The following TOX2 variants were observed in gnomAD, a reference collection of about 807,000 sequenced individuals.
The protein encoded by TOX2 is granulosa cell HMG box 1.
A neutral mutation model predicts 47.4 loss-of-function variants in TOX2; 15 were observed. The ratio of observed to expected loss-of-function variants is 0.32; its 90% confidence interval spans 0.21 to 0.49. The LOEUF is 0.49. Among genes scored for constraint, TOX2 ranks in the 20% least tolerant of loss-of-function variants. TOX2 has a pLI of 0.99. For missense variants in TOX2, 622 were observed against 673.1 expected, an observed-to-expected ratio of 0.92 and a Z score of 0.84; for synonymous variants, 290 against 296.6, an observed-to-expected ratio of 0.98 and a Z score of 0.23.
chr20:44,030,419 A>T (rs941895427), intron 3 of TOX2, among the ~76,000 whole-genome samples: 3 of 152,158 alleles, frequency 2.0e-5, no homozygotes, highest in African/African-American at 4.8e-5. Context: ...TAAAACTCTT[A>T]TGGGTTTCCA....
chr20:43,988,154 G>C (rs138945833), intron 2 of TOX2, among the ~76,000 whole-genome samples: 4 of 151,996 alleles, frequency 2.6e-5, no homozygotes, highest in African/African-American at 9.7e-5. Context: ...TCTTGACCTC[G>C]TGATCTGCCC....
intron 1 of TOX2, among the ~76,000 whole-genome samples, chr20:43,922,464 G>A (rs1044882439): frequency 5.3e-5 from 8 of 152,168 alleles, no homozygotes; most frequent in Admixed American, 2.0e-4. Flanking sequence ...AGCAGGCACC[G>A]TGCTTTCTGG....
chr20:43,920,229 C>T (rs998374816), intron 1 of TOX2, among the ~76,000 whole-genome samples: 15 of 152,214 alleles, frequency 9.9e-5, no homozygotes, highest in African/African-American at 3.4e-4. Context: ...AAGGATTCAA[C>T]TTCCCACCCA....
At chr20:44,017,139 TACTG>T (rs1255981997) in intron 3 of TOX2, among the ~76,000 whole-genome samples, 5 of 152,142 alleles carry the variant, frequency 3.3e-5, no homozygotes, top group African/African-American at 1.2e-4. Context: ...GTTTATTAAT[TACTG>T]AATGAATGGG....
chr20:43,949,346 C>T (rs2069521413), intron 1 of TOX2, among the ~76,000 whole-genome samples: 1 of 152,198 alleles, frequency 6.6e-6, no homozygotes. Context: ...CCCAGGCCTC[C>T]CTGCCTCCAC....
At chr20:44,042,726 GT>G (rs1240859430) in intron 3 of TOX2, among the ~76,000 whole-genome samples, 1 of 152,146 alleles carries the variant, frequency 6.6e-6, no homozygotes, top group Non-Finnish European at 1.5e-5. Flanking sequence ...CATTATTATT[GT>G]TGTCATTATT....
chr20:44,013,370 G>T (rs2145624325), intron 3 of TOX2, among the ~76,000 whole-genome samples: 1 of 152,256 alleles, frequency 6.6e-6, no homozygotes, highest in African/African-American at 2.4e-5. Flanking sequence ...CCCTGCAGAA[G>T]GCATGGTCTA....
intron 2 of TOX2, among the ~76,000 whole-genome samples, chr20:43,983,022 G>A (rs1236772180): frequency 6.6e-6 from 1 of 151,880 alleles, no homozygotes; most frequent in Non-Finnish European, 1.5e-5. Flanking sequence ...TTACACATGA[G>A]GTGCTCCCTG....
In TOX2 at chr20:44,054,518, C is replaced by G; in HGVS notation, c.871C>G (p.Gln291Glu). 6.2e-7 allele frequency: 1 copy of G among 1,613,774 alleles called. No individual in the cohort carries two copies. The highest frequency in any genetic ancestry group is 8.5e-7 in the Non-Finnish European group (1 of 1,179,842). ...CATGTGGGACAGCCTGGGAGAGGAA[C>G]AGAAGCAGGTGAGCCTCCCTCTCTT... ...ASMWDSLGEE[Q>E]KQAYKRKTEA... The change falls in exon 5 of 9, where the codon CAG (glutamine) becomes GAG (glutamate). Residue 291 changes from glutamine (Q) to glutamate (E), a missense_variant. Transcript: ENST00000341197.
intron 1 of TOX2, among the ~76,000 whole-genome samples, chr20:43,954,555 G>T (rs774997018): frequency 2.6e-5 from 4 of 152,212 alleles, no homozygotes; most frequent in Non-Finnish European, 5.9e-5. Context: ...ATGAAGGATG[G>T]GTCCTGTGTG....
In TOX2 at chr20:43,991,228, C is replaced by T. The variant is rs142135209; in HGVS notation, c.166-15319C>T. Among the ~76,000 whole-genome samples, 209 of 152,230 alleles carry T rather than the reference C, an allele frequency of 1.4e-3. 1 individual carries two copies. Among genetic ancestry groups the T allele is most frequent in the African/African-American group, 4.2e-3 (176 of 41,526 alleles). ...ATAAGGACAAGGAACCAGGAGACCC[C>T]GATGGGCCAAGTTAGAATGATTTCA... On this transcript the variant is annotated intron_variant, in intron 2 of 8. Transcript: ENST00000341197.
chr20:43,928,387 T>C (rs1275696032), intron 1 of TOX2, among the ~76,000 whole-genome samples: 1 of 151,852 alleles, frequency 6.6e-6, no homozygotes, highest in African/African-American at 2.4e-5. Context: ...AGAGAAGGAA[T>C]AAAAAGCACT....
intron 2 of TOX2, among the ~76,000 whole-genome samples, chr20:44,004,527 C>T (rs1477520040): frequency 6.6e-6 from 1 of 152,164 alleles, no homozygotes; most frequent in Non-Finnish European, 1.5e-5. Flanking sequence ...GAGCAAGGGG[C>T]CATGTGGGCT....
chr20:43,920,888 G>C (rs1384684115), intron 1 of TOX2, among the ~76,000 whole-genome samples: 1 of 152,192 alleles, frequency 6.6e-6, no homozygotes, highest in Non-Finnish European at 1.5e-5. Flanking sequence ...AGATGGGCCT[G>C]CTATCCTTCA....
chr20:44,021,276 A>G (rs1415093028), intron 3 of TOX2, among the ~76,000 whole-genome samples: 2 of 152,184 alleles, frequency 1.3e-5, no homozygotes, highest in Non-Finnish European at 2.9e-5. Context: ...ATAGGAGGAC[A>G]GAGTGTGAGC....
At position 44,054,335 on chromosome 20, in the gene TOX2, A is replaced by G. The variant is rs760704342; in HGVS notation, c.688A>G (p.Lys230Glu). 6.2e-7 allele frequency: 1 copy of G among 1,612,990 alleles called. No homozygotes were observed. The highest frequency in any genetic ancestry group is 1.1e-5 in the South Asian group (1 of 90,988). ...GEKRPSADPG[K>E]KAKNPKKKKK... is the part of the protein sequence containing the mutation. ...AAAGAGACCTTCAGCCGACCCAGGA[A>G]AAAAGGCCAAGAACCCGAAGAAGAA... Residue 230 changes from lysine (K) to glutamate (E), a missense_variant, in exon 5 of 9, where the codon AAA becomes GAA. By Grantham distance (56) the Lys-to-Glu change is moderately conservative (BLOSUM62 1). Coordinates refer to ENST00000341197, the MANE Select transcript of TOX2 (RefSeq NM_001098797.2).
intron 3 of TOX2, among the ~76,000 whole-genome samples, chr20:44,042,216 A>T (rs1336712232): frequency 6.6e-6 from 1 of 152,196 alleles, no homozygotes; most frequent in Non-Finnish European, 1.5e-5. Context: ...AAACCATCAG[A>T]TCTCATGAGA....
chr20:43,925,459 C>T (rs955507000), intron 1 of TOX2, among the ~76,000 whole-genome samples: 11 of 152,244 alleles, frequency 7.2e-5, no homozygotes, highest in Non-Finnish European at 1.3e-4. Context: ...ACCCCCAGGG[C>T]GCTGGTGCAC....
In TOX2 at chr20:44,064,845, C is replaced by T; in HGVS notation, c.948C>T (p.Ser316=). The stretch of plus-strand genomic sequence containing the variant: ...AGGCCCTGGCAGCCTACCGGGCTAG[C>T]CTCGTCTCCAAGGTAACACCCGGAA... ...YLKALAAYRA[S]LVSKSSPDQG... is the part of the protein sequence containing the mutation. Residue 316 remains serine, a synonymous_variant, in exon 6 of 9, where the codon AGC becomes AGT. Transcript: ENST00000341197. 1 of 1,614,112 alleles carries T rather than the reference C, an allele frequency of 6.2e-7. No individual in the cohort carries two copies. Among genetic ancestry groups the T allele is most frequent in the Non-Finnish European group, 8.5e-7 (1 of 1,180,006 alleles).
Sources: gnomAD v4.1 joint callset for allele counts (sites outside exome capture counted in the v4.1 genomes callset) on GRCh38, gnomAD v4.1.1 for gene constraint, MANE v1.5 for transcripts, NCBI Gene and HGNC (gene_info 2026-07-23, HGNC 2026-07-21) for gene names.